Variants in KPNA7 observed in about 807,000 individuals in gnomAD.
The protein encoded by KPNA7 is karyopherin subunit alpha 7.
KPNA7 carries 54 observed loss-of-function variants against 53.7 expected under a neutral mutation model. The observed-to-expected ratio is 1.01, with a 90% CI of 0.81 to 1.26. The LOEUF (loss-of-function observed/expected upper bound fraction) is 1.26. Ranked by LOEUF, KPNA7 falls within the 50% of genes most tolerant of loss-of-function variation. KPNA7 has a pLI of 0.00. For synonymous variants in KPNA7, 276 were observed against 259.3 expected, an observed-to-expected ratio of 1.06 and a Z score of -0.62; for missense variants, 640 against 644.5, an observed-to-expected ratio of 0.99 and a Z score of 0.07.
intron 10 of KPNA7, among the ~76,000 whole-genome samples, chr7:99,177,340 G>T (rs1200609185): frequency 6.6e-6 from 1 of 152,118 alleles, no homozygotes; most frequent in African/African-American, 2.4e-5. Context: ...AGCACTTTGG[G>T]ATTACGCCAA....
Position 99,193,216 on chromosome 7 carries a change from T to G in KPNA7, c.554-115A>C, listed in dbSNP as rs920606902. ...AGAGACAAAAACTCATTCCCGGGTT[T>G]AGCAAGTAGGTAGTAGAGCCACGTA... On this transcript the variant is annotated intron_variant, in intron 5 of 10. Transcript: ENST00000327442. 1.5e-5 allele frequency: 9 copies of G among 587,870 alleles called. No homozygotes were observed. In the African/African-American group the frequency reaches 1.8e-4, roughly 12 times the overall value. The allele number at this position is 587,870 out of a possible 1,614,324, so 36.4% of individuals were successfully genotyped here.
chr7:99,156,480 T>C, the KPNA7 span, among the ~76,000 whole-genome samples: 2 of 152,152 alleles, frequency 1.3e-5, no homozygotes, highest in African/African-American at 2.4e-5. Flanking sequence ...CTGCTTGGCA[T>C]TCAATGAACC....
chr7:99,185,262 T>A (rs534989518), intron 7 of KPNA7, 100 bp from the exon 8 acceptor site: 3 of 793,108 alleles, frequency 3.8e-6, no homozygotes, highest in South Asian at 3.1e-5. Flanking sequence ...TGTCATGCTA[T>A]AGCCGATGGT....
At chr7:99,161,337 T>C in the KPNA7 span, among the ~76,000 whole-genome samples, 9 of 152,132 alleles carry the variant, frequency 5.9e-5, no homozygotes, top group African/African-American at 2.2e-4. Context: ...AGGGAAAGCC[T>C]GTGTAGCGTA....
rs1403737550 is a variant in KPNA7, at chr7:99,187,807, A to T, written c.900+493T>A. ...TGCCCGGCCTTTTTTTTTAAAAAAA[A>T]AAAAAAAAAAAAAAAAAAAAAAAAA... On this transcript the variant is annotated intron_variant, in intron 7 of 10. Coordinates refer to ENST00000327442, the MANE Select transcript of KPNA7 (RefSeq NM_001145715.3). Among the ~76,000 whole-genome samples, 78 of 29,788 alleles carry T rather than the reference A, an allele frequency of 2.6e-3. 15 individuals are homozygous for T. The highest frequency in any genetic ancestry group is 8.7e-3 in the East Asian group (5 of 578). The allele number at this position is 29,788 out of a possible 152,430, so 19.5% of individuals were successfully genotyped here.
the KPNA7 span, among the ~76,000 whole-genome samples, chr7:99,162,598 C>G: frequency 6.6e-6 from 1 of 152,056 alleles, no homozygotes; most frequent in Non-Finnish European, 1.5e-5. Context: ...CCTTGCTAGG[C>G]AAGTCAGTAT....
intron 3 of KPNA7, among the ~76,000 whole-genome samples, chr7:99,196,523 T>C (rs1051024252): frequency 6.6e-5 from 10 of 152,198 alleles, no homozygotes; most frequent in African/African-American, 2.4e-4. Context: ...TAGAATCAAC[T>C]TTTTCAGCAC....
At chr7:99,204,004 A>G (rs897874706) in intron 2 of KPNA7, among the ~76,000 whole-genome samples, 1 of 152,092 alleles carries the variant, frequency 6.6e-6, no homozygotes, top group Non-Finnish European at 1.5e-5. Flanking sequence ...GCAACTGTGC[A>G]TGGCCCATTT....
At chr7:99,184,867 G>T in intron 8 of KPNA7, 62 bp downstream of exon 8, 1 of 1,344,498 alleles carries the variant, frequency 7.4e-7, no homozygotes, top group South Asian at 1.3e-5. Flanking sequence ...ATTCCTGAAG[G>T]AGTTCAACCC....
chr7:99,213,602 C>G (rs1459638637), intron 1 of KPNA7, among the ~76,000 whole-genome samples: 2 of 151,884 alleles, frequency 1.3e-5, no homozygotes, highest in Non-Finnish European at 2.9e-5. Flanking sequence ...AGCTACCACA[C>G]TTCACTAATT....
intron 3 of KPNA7, among the ~76,000 whole-genome samples, chr7:99,200,140 T>A (rs572595261): frequency 6.6e-6 from 1 of 152,334 alleles, no homozygotes; most frequent in South Asian, 2.1e-4. Flanking sequence ...TGACCTCAAG[T>A]GATCCATCCG....
At chr7:99,190,406 A>G (rs1423884818) in intron 6 of KPNA7, among the ~76,000 whole-genome samples, 1 of 151,874 alleles carries the variant, frequency 6.6e-6, no homozygotes, top group Non-Finnish European at 1.5e-5. Flanking sequence ...GTGACACCAA[A>G]CCTGGTTTTC....
chr7:99,196,675 T>A (rs1057230060), intron 3 of KPNA7, among the ~76,000 whole-genome samples: 1 of 151,558 alleles, frequency 6.6e-6, no homozygotes, highest in Non-Finnish European at 1.5e-5. Context: ...CACCCTCAGC[T>A]CCATGGTAAC....
chr7:99,148,763 A>AT, the KPNA7 span, among the ~76,000 whole-genome samples: 1 of 151,632 alleles, frequency 6.6e-6, no homozygotes, highest in African/African-American at 2.4e-5. Flanking sequence ...ACCTGGCTAA[A>AT]TTTTTTTATT....
chr7:99,213,430 TAAAAAAAAA>T (rs61231738), intron 1 of KPNA7, among the ~76,000 whole-genome samples: 15 of 72,906 alleles, frequency 2.1e-4, no homozygotes, highest in African/African-American at 2.8e-4. Context: ...CCTGGCCTTT[TAAAAAAAAA>T]AAAAAAAAAA....
the KPNA7 span, among the ~76,000 whole-genome samples, chr7:99,159,210 T>C: frequency 6.6e-6 from 1 of 151,830 alleles, no homozygotes; most frequent in East Asian, 1.9e-4. Context: ...TAGCCAGGCA[T>C]GGTAGTGCAT....
At chr7:99,188,623 T>C in intron 6 of KPNA7, 60 bp from the exon 7 acceptor site, 1 of 1,499,748 alleles carries the variant, frequency 6.7e-7, no homozygotes, top group East Asian at 2.5e-5. Flanking sequence ...CAAACAGCAG[T>C]GTGTTCTTAC....
intron 1 of KPNA7, among the ~76,000 whole-genome samples, chr7:99,218,299 T>A (rs1021550570): frequency 3.3e-5 from 5 of 151,522 alleles, no homozygotes; most frequent in East Asian, 3.9e-4. Flanking sequence ...TTTTTTCAAA[T>A]TTTTTTTTCT....
chr7:99,171,747 C>A (rs1042927976), downstream of KPNA7, among the ~76,000 whole-genome samples: 1 of 152,126 alleles, frequency 6.6e-6, no homozygotes, highest in African/African-American at 2.4e-5. Flanking sequence ...CAGAGTAAGA[C>A]CTTGTCCCTA....
Sources: allele counts gnomAD v4.1 joint callset (sites outside exome capture counted in the v4.1 genomes callset), GRCh38; gene constraint gnomAD v4.1.1; transcripts MANE v1.5; gene names NCBI Gene and HGNC (gene_info 2026-07-23, HGNC 2026-07-21).